ADCY8: variants seen among roughly 807,000 people sequenced by gnomAD.
ADCY8 encodes the protein adenylate cyclase type 8.
ADCY8 carries 51 observed loss-of-function variants against 119.7 expected under a neutral mutation model. The ratio of observed to expected loss-of-function variants is 0.43; its 90% CI spans 0.34 to 0.54. ADCY8 has a LOEUF of 0.54. ADCY8 is among the 20% of genes least tolerant of loss of function. The probability of loss-of-function intolerance (pLI) is 0.03; values close to 1 mark genes in which losing one functional copy is unlikely to be tolerated. For synonymous variants in ADCY8, 665 were observed against 651.0 expected, an observed-to-expected ratio of 1.02 and a Z score of -0.33; for missense variants, 1,383 against 1,598.8, an observed-to-expected ratio of 0.87 and a Z score of 2.30.
intron 1 of ADCY8, among the ~76,000 whole-genome samples, chr8:131,008,425 G>A (rs930661250): frequency 2.6e-5 from 4 of 152,090 alleles, no homozygotes; most frequent in Non-Finnish European, 5.9e-5. Context: ...TTTTATAAGC[G>A]TCTGGCATGT....
intron 14 of ADCY8, among the ~76,000 whole-genome samples, chr8:130,804,751 T>C (rs986250832): frequency 6.6e-6 from 1 of 152,202 alleles, no homozygotes; most frequent in African/African-American, 2.4e-5. Context: ...CACACTCTTT[T>C]GTTTTTGTTT....
intron 2 of ADCY8, among the ~76,000 whole-genome samples, chr8:130,957,531 A>G (rs996642515): frequency 6.6e-6 from 1 of 152,230 alleles, no homozygotes. Flanking sequence ...GCCTGCAGAA[A>G]TTTGCATAAG....
At chr8:130,904,861 C>A (rs181139250) in intron 6 of ADCY8, among the ~76,000 whole-genome samples, 43 of 152,238 alleles carry the variant, frequency 2.8e-4, no homozygotes, top group Non-Finnish European at 5.7e-4. Flanking sequence ...GTTTTTCTGT[C>A]CTCGTAACTG....
chr8:130,795,923 C>A (rs263232), intron 15 of ADCY8, among the ~76,000 whole-genome samples: 10,118 of 152,252 alleles, frequency 0.066, 471 homozygotes, highest in Non-Finnish European at 0.093. Context: ...CCAGGGTACA[C>A]AGGTCTTCAG....
At chr8:131,033,056 G>A (rs889130524) in intron 1 of ADCY8, among the ~76,000 whole-genome samples, 2 of 152,294 alleles carry the variant, frequency 1.3e-5, no homozygotes, top group East Asian at 1.9e-4. Context: ...GATAAGTCAA[G>A]TGAACTGCTA....
intron 15 of ADCY8, among the ~76,000 whole-genome samples, chr8:130,788,545 A>G (rs1586412590): frequency 6.6e-6 from 1 of 152,168 alleles, no homozygotes; most frequent in African/African-American, 2.4e-5. Flanking sequence ...GATAGGAGGA[A>G]TAAGATCTGT....
chr8:130,917,759 G>A (rs1485860821), intron 5 of ADCY8, among the ~76,000 whole-genome samples: 1 of 139,034 alleles, frequency 7.2e-6, no homozygotes, highest in Non-Finnish European at 1.5e-5. Context: ...GAGGCACAGG[G>A]AGTTTGTGTG....
chr8:130,926,367 A>G (rs972263649), intron 5 of ADCY8, among the ~76,000 whole-genome samples: 2 of 152,028 alleles, frequency 1.3e-5, no homozygotes, highest in Admixed American at 1.3e-4. Context: ...ACAGCTCAGT[A>G]AAAGGCAAAT....
At chr8:130,915,784 C>G (rs958110167) in intron 5 of ADCY8, among the ~76,000 whole-genome samples, 1 of 152,206 alleles carries the variant, frequency 6.6e-6, no homozygotes, top group Non-Finnish European at 1.5e-5. Context: ...TCTGCTAAAA[C>G]TCTGCCTACA....
In ADCY8 at chr8:130,780,829, GGTTTCTTA is replaced by G; in HGVS notation, c.3309_3316del (p.Lys1104ThrfsTer3). ...AGTTTTGCCCCAAATGTCATACTGT[GGTTTCTTA>G]GCGCCGATAACGCCAGCTACCACTG... On this transcript the variant is annotated frameshift_variant, in exon 18 of 18. Transcript: ENST00000286355. LOFTEE classifies it high-confidence loss of function. 1 of 1,614,140 alleles carries G rather than the reference GGTTTCTTA, an allele frequency of 6.2e-7. No individual in the cohort carries two copies. Among genetic ancestry groups the G allele is most frequent in the South Asian group, 1.1e-5 (1 of 91,072 alleles).
chr8:130,937,204 G>A lies in ADCY8; in HGVS notation c.1354-4C>T, dbSNP rs765561632. 7 of 1,612,918 alleles carry A rather than the reference G, an allele frequency of 4.3e-6. No homozygotes were observed. The highest frequency in any genetic ancestry group is 5.9e-6 in the Non-Finnish European group (7 of 1,179,454). On this transcript the variant is annotated splice_region_variant and splice_polypyrimidine_tract_variant and intron_variant, in intron 4 of 17. Coordinates refer to ENST00000286355, the MANE Select transcript of ADCY8 (RefSeq NM_001115.3). The stretch of plus-strand genomic sequence containing the variant: ...TAATACGAAGGCAGTGATGCTCCTG[G>A]AAGGAACAGGATAAGAGGGAAAGGT...
intron 7 of ADCY8, among the ~76,000 whole-genome samples, chr8:130,896,416 G>A (rs10956561): frequency 0.47 from 70,926 of 151,226 alleles, 18,023 homozygotes; most frequent in East Asian, 0.62. Flanking sequence ...TGAATTTAAA[G>A]AATGCATTTT....
chr8:130,802,634 A>G (rs890132703), intron 14 of ADCY8, among the ~76,000 whole-genome samples: 1 of 152,142 alleles, frequency 6.6e-6, no homozygotes, highest in Non-Finnish European at 1.5e-5. Context: ...CCCCAGTTGG[A>G]TATGTGCTCC....
intron 1 of ADCY8, among the ~76,000 whole-genome samples, chr8:131,031,781 AT>A (rs755722140): frequency 2.1e-4 from 32 of 151,666 alleles, no homozygotes; most frequent in African/African-American, 7.0e-4. Flanking sequence ...TAAATTTCTG[AT>A]TTTTTTTTAA....
chr8:130,826,379 C>T lies in ADCY8; in HGVS notation c.2676-4959G>A, dbSNP rs139678612. On this transcript the variant is annotated intron_variant, in intron 12 of 17. Transcript: ENST00000286355. ...GACTGTGTGGACAAATGAACATTTC[C>T]GATGTAATAAACAAATGGGGATCAA... is the stretch of plus-strand genomic sequence containing the variant. Among the ~76,000 whole-genome samples, 1,505 of 152,156 alleles carry T rather than the reference C, an allele frequency of 9.9e-3. 32 individuals are homozygous for T. The highest frequency in any genetic ancestry group is 0.034 in the African/African-American group (1,430 of 41,520).
chr8:130,852,860 A>G (rs1382389351), intron 9 of ADCY8, among the ~76,000 whole-genome samples: 1 of 152,142 alleles, frequency 6.6e-6, no homozygotes, highest in Non-Finnish European at 1.5e-5. Context: ...TTATTCCTGC[A>G]AGGCTCAGCT....
chr8:130,860,063 G>A lies in ADCY8; in HGVS notation c.2210+7783C>T, dbSNP rs547140834. Among the ~76,000 whole-genome samples the A allele has an allele frequency of 1.8e-4, 28 of 152,164 alleles. No homozygotes were observed. The South Asian group carries it at 5.8e-3, about 32-fold the overall frequency. ...TTGTTGTTGTTTTCTCCAGCAAATG[G>A]TATTGACAGTTATTTATTTATTTAT... On this transcript the variant is annotated intron_variant, in intron 9 of 17. Transcript: ENST00000286355.
At chr8:130,974,801 G>A (rs1384637332) in intron 2 of ADCY8, among the ~76,000 whole-genome samples, 1 of 152,204 alleles carries the variant, frequency 6.6e-6, no homozygotes, top group Admixed American at 6.5e-5. Flanking sequence ...TAAAAGGAGA[G>A]CATTCTTAGC....
chr8:131,031,242 C>T (rs1307643123), intron 1 of ADCY8, among the ~76,000 whole-genome samples: 1 of 152,214 alleles, frequency 6.6e-6, no homozygotes, highest in Non-Finnish European at 1.5e-5. Flanking sequence ...AGCTCATCAT[C>T]TCAAAAAGCA....
Sources: allele counts gnomAD v4.1 joint callset (sites outside exome capture counted in the v4.1 genomes callset), GRCh38; gene constraint gnomAD v4.1.1; transcripts MANE v1.5; gene names NCBI Gene and HGNC (gene_info 2026-07-23, HGNC 2026-07-21).